Variants in GPR179 observed in about 807,000 individuals in gnomAD.
GPR179 encodes probable G protein-coupled receptor 179.
GPR179 carries 52 observed loss-of-function variants against 70.8 expected under a neutral mutation model. The ratio of observed to expected loss-of-function variants is 0.73; its 90% confidence interval spans 0.59 to 0.93. The LOEUF (loss-of-function observed/expected upper bound fraction) is 0.93. GPR179 is among the 40% of genes least tolerant of loss of function. The probability of loss-of-function intolerance (pLI) is 0.00; values close to 1 mark genes in which losing one functional copy is unlikely to be tolerated. For missense variants in GPR179, 2,734 were observed against 2,966.8 expected, an observed-to-expected ratio of 0.92 and a Z score of 1.82; for synonymous variants, 1,123 against 1,169.0, an observed-to-expected ratio of 0.96 and a Z score of 0.80.
At position 38,335,244 on chromosome 17, in the gene GPR179, C is replaced by A. The variant is rs199734840; in HGVS notation, c.1434G>T (p.Thr478=). Residue 478 remains threonine, a synonymous_variant, in exon 7 of 11, where the codon ACG becomes ACT. Coordinates refer to ENST00000616987, the MANE Select transcript of GPR179 (RefSeq NM_001004334.4). ...TGCTCAGAAGGGCACTCCGCTGGGC[C>A]GTTCGAGACAGAAACAGCTGCAGCA... The part of the protein sequence containing the change: ...YRVLQLFLSR[T]AQRSALLSSG... The A allele has an allele frequency of 4.2e-5, 65 of 1,551,416 alleles. No homozygotes were observed. The African/African-American group carries it at 6.0e-4, about 14-fold the overall frequency.
intron 4 of GPR179, among the ~76,000 whole-genome samples, chr17:38,336,714 C>T (rs2144272273): frequency 6.6e-6 from 1 of 152,316 alleles, no homozygotes; most frequent in African/African-American, 2.4e-5. Flanking sequence ...CATGCAGGCC[C>T]AGATCACTTC....
At chr17:38,342,522 A>G (rs1283533595) in intron 1 of GPR179, among the ~76,000 whole-genome samples, 1 of 152,056 alleles carries the variant, frequency 6.6e-6, no homozygotes, top group Non-Finnish European at 1.5e-5. Context: ...TATTTTTAGT[A>G]GAGATGGGGT....
chr17:38,334,831 G>A lies in GPR179; in HGVS notation c.1657C>T (p.Leu553=), dbSNP rs566124958. The A allele has an allele frequency of 6.8e-6, 11 of 1,612,358 alleles. No individual in the cohort carries two copies. The South Asian group carries it at 1.1e-4, about 16-fold the overall frequency. The part of the protein sequence containing the change: ...DYIMVVAELL[L]LCWGSFLCYA... ...CAGAGGAAGCTGCCCCAGCACAGCA[G>A]CAGCAGCTCAGCTGTGGGGAGACAG... Residue 553 remains leucine (L), a synonymous_variant, in exon 8 of 11, where the codon CTG becomes TTG. Transcript: ENST00000616987. The surrounding 1 kb of genome is among the most constrained non-coding windows in gnomAD (Gnocchi z 4.7).
At chr17:38,342,449 C>T (rs2037457220) in intron 1 of GPR179, among the ~76,000 whole-genome samples, 1 of 151,878 alleles carries the variant, frequency 6.6e-6, no homozygotes, top group African/African-American at 2.4e-5. Flanking sequence ...AAGTGATTCT[C>T]CTGCCTCAGC....
Position 38,335,656 on chromosome 17 carries a change from A to G in GPR179, c.1341T>C (p.Ala447=), listed in dbSNP as rs372589392. The change falls in exon 6 of 11, where the codon GCT becomes GCC. Residue 447 remains alanine, a synonymous_variant. Coordinates refer to ENST00000616987, the MANE Select transcript of GPR179 (RefSeq NM_001004334.4). ...AACCCAGCAGCCGCACCCAGCGAAG[A>G]GCGATGCAGCGGAATACACTGGGCT... is the stretch of plus-strand genomic sequence containing the variant. ...YFKPSVFRCI[A]LRWVRLLGFA... The G allele has an allele frequency of 1.9e-6, 3 of 1,614,150 alleles. No individual in the cohort carries two copies. The highest frequency in any genetic ancestry group is 2.7e-5 in the African/African-American group (2 of 75,040).
intron 9 of GPR179, 130 bp downstream of exon 9, chr17:38,333,803 G>C: frequency 1.5e-6 from 1 of 663,520 alleles, no homozygotes; most frequent in Non-Finnish European, 2.6e-6. Context: ...CCCTGGCACT[G>C]TGCTCACTCA....
intron 3 of GPR179, 67 bp from the exon 4 acceptor site, chr17:38,337,280 C>G (rs2037413997): frequency 6.6e-7 from 1 of 1,504,380 alleles, no homozygotes. Flanking sequence ...CCAGCCTTTT[C>G]CCTGATAGTC....
chr17:38,332,804 T>A (rs1157562357), intron 10 of GPR179, among the ~76,000 whole-genome samples: 6 of 152,276 alleles, frequency 3.9e-5, no homozygotes, highest in African/African-American at 1.4e-4. Flanking sequence ...GAGACGAGAT[T>A]TCGCCATTTG....
chr17:38,331,890 C>G (rs1054980174), intron 10 of GPR179, among the ~76,000 whole-genome samples: 2 of 152,268 alleles, frequency 1.3e-5, no homozygotes, highest in Admixed American at 1.3e-4. Context: ...AGCAATGTTA[C>G]CTGGGTGACC....
rs374991954 is a variant in GPR179, at chr17:38,337,340, T to A, written c.992-127A>T. 8.8e-5 allele frequency: 116 copies of A among 1,314,860 alleles called. No individual in the cohort carries two copies. In the African/African-American group the frequency reaches 1.5e-3, roughly 17 times the overall value. 81.4% of individuals were successfully genotyped at this position (1,314,860 alleles called of 1,614,324 possible). A position where few individuals can be genotyped will look rare whatever the true frequency, so the allele number is the denominator to read the frequency against. On this transcript the variant is annotated intron_variant, in intron 3 of 10. Coordinates refer to ENST00000616987, the MANE Select transcript of GPR179 (RefSeq NM_001004334.4). ...TGTGATCTGGGGCTCCAGGGACAAG[T>A]GGGAATGGGTGCTTCCTTGGGAGGG...
At position 38,327,582 on chromosome 17, in the gene GPR179, T is replaced by A; in HGVS notation, c.5987A>T (p.Asp1996Val). 1 of 1,614,142 alleles carries A rather than the reference T, an allele frequency of 6.2e-7. No individual in the cohort carries two copies. Among genetic ancestry groups the A allele is most frequent in the Non-Finnish European group, 8.5e-7 (1 of 1,180,026 alleles). Reference sequence around the variant, plus strand: ...ATCAGGAACATCCCATGGGCACACGTCAGCGGCCCTGCCCCCAGTGCTGAC... The same window carrying A: ...ATCAGGAACATCCCATGGGCACACGACAGCGGCCCTGCCCCCAGTGCTGAC... ...RLVSTGGRAADVCPWDVPDAG... is the reference protein window; with the variant it reads ...RLVSTGGRAAVVCPWDVPDAG... Residue 1996 changes from aspartate (D) to valine (V), a missense_variant, in exon 11 of 11, where the codon GAC (aspartate) becomes GTC (valine). Coordinates refer to ENST00000616987, the MANE Select transcript of GPR179 (RefSeq NM_001004334.4).
In GPR179 at chr17:38,336,057, C is replaced by T; in HGVS notation, c.1296+19G>A. The T allele has an allele frequency of 6.3e-7, 1 of 1,593,598 alleles. No individual in the cohort carries two copies. The highest frequency in any genetic ancestry group is 8.6e-7 in the Non-Finnish European group (1 of 1,161,302). ...GGGGGATGCTGGAAGGTGGGGCCAG[C>T]CTGTGGCCACAGACTCACAGGAAAG... On this transcript the variant is annotated intron_variant, in intron 5 of 10. Transcript: ENST00000616987.
In GPR179 at chr17:38,329,977, T is replaced by A. The variant is rs2037336119; in HGVS notation, c.3592A>T (p.Thr1198Ser). Reference sequence around the variant, plus strand: ...ACTTGCCTCAGCATGGCAAGCCCTGTTTTACCTGCTCTCTCAGCTTTCCGT... The same window carrying A: ...ACTTGCCTCAGCATGGCAAGCCCTGATTTACCTGCTCTCTCAGCTTTCCGT... Reference protein sequence around the residue: ...GERKAERAGKTGLAMLRQVSR... With the variant: ...GERKAERAGKSGLAMLRQVSR... The change falls in exon 11 of 11, where the codon ACA (threonine) becomes TCA (serine). Residue 1198 changes from threonine to serine, a missense_variant. Coordinates refer to ENST00000616987, the MANE Select transcript of GPR179 (RefSeq NM_001004334.4). 6.2e-7 allele frequency: 1 copy of A among 1,614,072 alleles called. No homozygotes were observed. The highest frequency in any genetic ancestry group is 8.5e-7 in the Non-Finnish European group (1 of 1,180,040).
rs537523744 is a variant in GPR179 at position 38,335,245 on chromosome 17, G to T, written c.1433C>A (p.Thr478Lys). 4.5e-6 allele frequency: 7 copies of T among 1,551,226 alleles called. No individual in the cohort carries two copies. The highest frequency in any genetic ancestry group is 6.1e-6 in the Non-Finnish European group (7 of 1,147,250). The change falls in exon 7 of 11, where the codon ACG becomes AAG. Residue 478 changes from threonine (T) to lysine (K), a missense_variant. Coordinates refer to ENST00000616987, the MANE Select transcript of GPR179 (RefSeq NM_001004334.4). ...GCTCAGAAGGGCACTCCGCTGGGCC[G>T]TTCGAGACAGAAACAGCTGCAGCAC... ...YRVLQLFLSR[T>K]AQRSALLSSG...
chr17:38,343,639 C>G lies in GPR179; in HGVS notation c.151G>C (p.Val51Leu). The part of the protein sequence containing the change: ...QVKPGSVPMQ[V>L]PLEGAEAALA... ...GCGGCCTCGGCCCCCTCTAGGGGCA[C>G]CTGCATGGGTACAGATCCTGGCTTG... The change falls in exon 1 of 11, where the codon GTG becomes CTG. Residue 51 changes from valine (V) to leucine (L), a missense_variant. Val to Leu is a conservative substitution (Grantham distance 32). Transcript: ENST00000616987. This position sits in a 1 kb window ranked among gnomAD's most constrained non-coding sequence, Gnocchi z 4.2. The G allele has an allele frequency of 1.2e-6, 2 of 1,613,778 alleles. No homozygotes were observed. The highest frequency in any genetic ancestry group is 8.5e-7 in the Non-Finnish European group (1 of 1,179,932).
Position 38,327,247 on chromosome 17 carries a change from C to A in GPR179, c.6322G>T (p.Glu2108Ter), listed in dbSNP as rs1459082875. Residue 2108 changes from glutamate to a stop codon, truncating the protein, a stop_gained, in exon 11 of 11, where the codon GAG becomes TAG. Transcript: ENST00000616987. LOFTEE classifies it low-confidence loss of function (END_TRUNC). ...RGSSEAAGSV[E>*]TRVAEVCLWE... Reference sequence around the variant, plus strand: ...AGACACACTTCCGCTACCCTGGTCTCCACACTGCCTGCTGCCTCAGAACTG... The same window carrying A: ...AGACACACTTCCGCTACCCTGGTCTACACACTGCCTGCTGCCTCAGAACTG... The A allele has an allele frequency of 6.2e-7, 1 of 1,614,134 alleles. No individual in the cohort carries two copies. Among genetic ancestry groups the A allele is most frequent in the South Asian group, 1.1e-5 (1 of 91,086 alleles).
rs751411544 is a variant in GPR179 at position 38,334,727 on chromosome 17, A to C, written c.1761T>G (p.Leu587=). ...ACCTGGCTGTGTGGAAGGCAGCGGAAAGCAGTAGCTCATTGTGCAGGGCGA... is the reference window on the plus strand; with the variant it reads ...ACCTGGCTGTGTGGAAGGCAGCGGACAGCAGTAGCTCATTGTGCAGGGCGA... ...MGIALHNELL[L]SAAFHTARFV... is the part of the protein sequence containing the mutation. The change falls in exon 8 of 11, where the codon CTT becomes CTG. Residue 587 remains leucine, a synonymous_variant. Transcript: ENST00000616987. This position sits in a 1 kb window ranked among gnomAD's most constrained non-coding sequence, Gnocchi z 4.7. The C allele has an allele frequency of 1.2e-5, 19 of 1,613,704 alleles. No homozygotes were observed. The highest frequency in any genetic ancestry group is 1.4e-5 in the Non-Finnish European group (17 of 1,179,978).
In GPR179 at chr17:38,336,947, ATGTGTGTAGGAGG is replaced by A; in HGVS notation, c.1227+18_1227+30del. The A allele has an allele frequency of 6.4e-7, 1 of 1,551,238 alleles. No individual in the cohort carries two copies. The highest frequency in any genetic ancestry group is 8.7e-7 in the Non-Finnish European group (1 of 1,144,514). On this transcript the variant is annotated intron_variant, in intron 4 of 10. Coordinates refer to ENST00000616987, the MANE Select transcript of GPR179 (RefSeq NM_001004334.4). ...GGCCTCCAGTTGAGATGGGTCGGAC[ATGTGTGTAGGAGG>A]TGTGGGGCCTTCCTTGCCTTGTTCC...
At chr17:38,339,173 C>T (rs1346680941) in intron 2 of GPR179, among the ~76,000 whole-genome samples, 1 of 151,788 alleles carries the variant, frequency 6.6e-6, no homozygotes, top group Non-Finnish European at 1.5e-5. Context: ...ACAGGAAGAA[C>T]ACTGAACTTT....
Sources: allele counts gnomAD v4.1 joint callset (sites outside exome capture counted in the v4.1 genomes callset), GRCh38; gene constraint gnomAD v4.1.1; non-coding constraint Gnocchi (gnomAD v3.1); transcripts MANE v1.5; gene names NCBI Gene and HGNC (gene_info 2026-07-23, HGNC 2026-07-21).